The following IL1RAPL2 variants were observed in gnomAD, a reference collection of about 807,000 sequenced individuals.
IL1RAPL2 encodes X-linked interleukin-1 receptor accessory protein-like 2.
Under a neutral mutation model 44.1 loss-of-function variants are expected in IL1RAPL2, and 3 were observed. The observed-to-expected ratio is 0.07, with a 90% CI of 0.03 to 0.18. The LOEUF (loss-of-function observed/expected upper bound fraction) is 0.18. Among genes scored for constraint, IL1RAPL2 ranks in the 10% least tolerant of loss-of-function variants. The probability of loss-of-function intolerance (pLI) is 1.00; values close to 1 mark genes in which losing one functional copy is unlikely to be tolerated. For missense variants in IL1RAPL2, 391 were observed against 496.4 expected, an observed-to-expected ratio of 0.79 and a Z score of 2.02; for synonymous variants, 181 against 178.8, an observed-to-expected ratio of 1.01 and a Z score of -0.10.
chrX:105,627,417 T>C (rs746655610), intron 6 of IL1RAPL2, among the ~76,000 whole-genome samples: 4 of 111,663 alleles, frequency 3.6e-5, no homozygotes, highest in Non-Finnish European at 7.5e-5. Context: ...TGAGAATCTA[T>C]ATTTTCGGAA....
rs182021000 is a variant in IL1RAPL2 at position 104,600,181 on chromosome X, T to G, written c.-20+33130T>G. The stretch of plus-strand genomic sequence containing the variant: ...AGGGATAAATAAAATACAAAAGAAT[T>G]AGTGTTTCCAGTTTATGCTTTATGT... On this transcript the variant is annotated intron_variant, in intron 1 of 10. Coordinates refer to ENST00000372582, the MANE Select transcript of IL1RAPL2 (RefSeq NM_017416.2). Among the ~76,000 whole-genome samples, 10 of 111,812 alleles carry G rather than the reference T, an allele frequency of 8.9e-5. No homozygotes were observed. In the East Asian group the frequency reaches 2.2e-3, roughly 25 times the overall value.
intron 2 of IL1RAPL2, among the ~76,000 whole-genome samples, chrX:105,011,979 CAGTT>C (rs1217743090): frequency 2.7e-5 from 3 of 111,349 alleles, no homozygotes; most frequent in Non-Finnish European, 5.7e-5. Context: ...CAACATAAAT[CAGTT>C]AGCTCTTAAA....
At chrX:104,756,647 C>A (rs939801216) in intron 2 of IL1RAPL2, among the ~76,000 whole-genome samples, 3 of 110,344 alleles carry the variant, frequency 2.7e-5, no homozygotes, top group African/African-American at 9.9e-5. Context: ...GTGGAAGAAA[C>A]AGACCATTAC....
chrX:105,630,278 C>A (rs1436143680), intron 6 of IL1RAPL2, among the ~76,000 whole-genome samples: 1 of 111,224 alleles, frequency 9.0e-6, no homozygotes, highest in Admixed American at 9.7e-5. Flanking sequence ...ATATAAATGG[C>A]CACCATTTAT....
intron 4 of IL1RAPL2, among the ~76,000 whole-genome samples, chrX:105,253,473 C>T (rs1226917286): frequency 1.8e-5 from 2 of 111,328 alleles, no homozygotes; most frequent in African/African-American, 6.5e-5. Context: ...CTACTTTTTC[C>T]ATCAGAATTA....
At position 105,344,257 on chromosome X, in the gene IL1RAPL2, G is replaced by T. The variant is rs924742435; in HGVS notation, c.697+76716G>T. On this transcript the variant is annotated intron_variant, in intron 5 of 10. Coordinates refer to ENST00000372582, the MANE Select transcript of IL1RAPL2 (RefSeq NM_017416.2). ...TTTTTAAGTTGAGAAATTATAATAG[G>T]ACAAAGACAGAGTAAAGTGTAATGA... 1.3e-4 allele frequency among the ~76,000 whole-genome samples: 14 copies of T among 111,715 alleles called. No homozygotes were observed. The Admixed American group carries it at 1.3e-3, about 11-fold the overall frequency.
At chrX:105,233,488 G>C (rs1556198087) in intron 3 of IL1RAPL2, among the ~76,000 whole-genome samples, 2 of 111,921 alleles carry the variant, frequency 1.8e-5, no homozygotes, top group Admixed American at 1.9e-4. Flanking sequence ...GTTATAGAGA[G>C]ACTTTCTCAC....
At chrX:105,285,447 G>A (rs1053706241) in intron 5 of IL1RAPL2, among the ~76,000 whole-genome samples, 1 of 111,853 alleles carries the variant, frequency 8.9e-6, no homozygotes, top group African/African-American at 3.2e-5. Flanking sequence ...TACTTGCTGG[G>A]AATTCTAGCT....
chrX:104,828,652 C>T (rs777630653), intron 2 of IL1RAPL2, among the ~76,000 whole-genome samples: 2 of 112,289 alleles, frequency 1.8e-5, no homozygotes, highest in East Asian at 2.8e-4. Flanking sequence ...AGAGCTCGAG[C>T]GTTGTGCTGG....
chrX:105,723,273 G>A (rs906309075), intron 7 of IL1RAPL2, among the ~76,000 whole-genome samples: 4 of 111,327 alleles, frequency 3.6e-5, no homozygotes, highest in African/African-American at 1.3e-4. Flanking sequence ...TTTCAATAAC[G>A]TGTTTCTCAT....
chrX:105,035,177 C>T (rs774970889), intron 2 of IL1RAPL2, among the ~76,000 whole-genome samples: 1 of 111,879 alleles, frequency 8.9e-6, no homozygotes, highest in South Asian at 3.7e-4. Context: ...AACTCCCTGA[C>T]CCCTTGCACT....
intron 6 of IL1RAPL2, among the ~76,000 whole-genome samples, chrX:105,578,223 A>G (rs1376770035): frequency 9.0e-6 from 1 of 110,953 alleles, no homozygotes. Flanking sequence ...ACATGCTTAT[A>G]GATCAATAAA....
At chrX:104,826,515 G>A (rs1921454384) in intron 2 of IL1RAPL2, among the ~76,000 whole-genome samples, 1 of 111,436 alleles carries the variant, frequency 9.0e-6, no homozygotes, top group African/African-American at 3.3e-5. Context: ...CATTTGCGAG[G>A]AGTGTTTTAC....
intron 2 of IL1RAPL2, among the ~76,000 whole-genome samples, chrX:104,950,035 T>C (rs1020213320): frequency 6.3e-5 from 7 of 111,232 alleles, no homozygotes; most frequent in Non-Finnish European, 5.7e-5. Flanking sequence ...CGTCTCCCTT[T>C]ATTAATGTGT....
chrX:105,585,933 G>A (rs745671074), intron 6 of IL1RAPL2, among the ~76,000 whole-genome samples: 3 of 111,975 alleles, frequency 2.7e-5, no homozygotes, highest in Non-Finnish European at 5.6e-5. Flanking sequence ...AAGGACATAA[G>A]CATTGAGCAA....
chrX:104,867,490 G>A (rs900496999), intron 2 of IL1RAPL2, among the ~76,000 whole-genome samples: 1 of 111,359 alleles, frequency 9.0e-6, no homozygotes, highest in Non-Finnish European at 1.9e-5. Flanking sequence ...CATGCTTATT[G>A]AGCCATACAT....
chrX:105,728,919 T>C (rs1211265457), intron 7 of IL1RAPL2, among the ~76,000 whole-genome samples: 7 of 110,519 alleles, frequency 6.3e-5, no homozygotes, highest in Non-Finnish European at 1.3e-4. Flanking sequence ...GATCTTTTTT[T>C]AGTCTTTATA....
intron 1 of IL1RAPL2, among the ~76,000 whole-genome samples, chrX:104,644,658 T>C (rs757432736): frequency 9.0e-6 from 1 of 111,221 alleles, no homozygotes; most frequent in African/African-American, 3.3e-5. Flanking sequence ...TTAGAGCTTG[T>C]TCAAGTCCCT....
intron 6 of IL1RAPL2, among the ~76,000 whole-genome samples, chrX:105,536,215 T>C (rs2036675875): frequency 1.8e-5 from 2 of 110,629 alleles, no homozygotes; most frequent in Admixed American, 1.9e-4. Context: ...ACCTCTATCT[T>C]GCCTTGTTTT....
Sources: gnomAD v4.1 joint callset for allele counts (sites outside exome capture counted in the v4.1 genomes callset) on GRCh38, gnomAD v4.1.1 for gene constraint, MANE v1.5 for transcripts, NCBI Gene and HGNC (gene_info 2026-07-23, HGNC 2026-07-21) for gene names.